LINGO2: variants seen among roughly 807,000 people sequenced by gnomAD.
The protein encoded by LINGO2 is leucine-rich repeat and immunoglobulin-like domain-containing nogo receptor-interacting protein 2.
Under a neutral mutation model 30.6 loss-of-function variants are expected in LINGO2, and 14 were observed. That is an observed-to-expected ratio of 0.46 (90% CI 0.30 to 0.72). LINGO2 has a LOEUF of 0.72. Ranked by LOEUF, LINGO2 falls within the 30% of genes least tolerant of loss-of-function variation. The pLI is 0.07. For missense variants in LINGO2, 729 were observed against 751.7 expected (o/e 0.97, Z 0.35); for synonymous variants, 317 against 288.5 (o/e 1.10, Z -1.00).
At chr9:28,924,271 A>T in the LINGO2 span, among the ~76,000 whole-genome samples, 17 of 152,166 alleles carry the variant, frequency 1.1e-4, no homozygotes, top group African/African-American at 3.9e-4. Context: ...CCCAGGCTGG[A>T]GAACAGTGGT....
chr9:29,103,273 T>C, the LINGO2 span, among the ~76,000 whole-genome samples: 6 of 146,500 alleles, frequency 4.1e-5, no homozygotes, highest in African/African-American at 1.5e-4. Flanking sequence ...ACAAAGAACT[T>C]CTACAGCAGC....
chr9:28,321,214 C>T (rs184049819), intron 3 of LINGO2, among the ~76,000 whole-genome samples: 1 of 152,070 alleles, frequency 6.6e-6, no homozygotes, highest in East Asian at 1.9e-4. Flanking sequence ...AGAAAATACC[C>T]AAACAAATTA....
At chr9:28,263,321 T>C (rs1395029826) in intron 4 of LINGO2, among the ~76,000 whole-genome samples, 3 of 152,000 alleles carry the variant, frequency 2.0e-5, no homozygotes, top group Non-Finnish European at 4.4e-5. Flanking sequence ...AATCAACTGA[T>C]TAAAGACCCT....
At chr9:28,731,407 A>T in the LINGO2 span, among the ~76,000 whole-genome samples, 1 of 152,144 alleles carries the variant, frequency 6.6e-6, no homozygotes, top group Admixed American at 6.5e-5. Flanking sequence ...ACTTGGTTGA[A>T]TCTCCAGGAG....
the LINGO2 span, among the ~76,000 whole-genome samples, chr9:29,130,905 T>C: frequency 1.1e-4 from 17 of 152,200 alleles, no homozygotes; most frequent in Admixed American, 6.5e-4. Flanking sequence ...AAGCCTGTGA[T>C]ACCTGAAGCC....
intron 4 of LINGO2, among the ~76,000 whole-genome samples, chr9:28,126,697 A>G (rs1827245256): frequency 6.6e-6 from 1 of 152,228 alleles, no homozygotes; most frequent in Non-Finnish European, 1.5e-5. Flanking sequence ...ATGCATTAAC[A>G]AGCCAGAGAC....
chr9:29,012,409 A>ACT, the LINGO2 span, among the ~76,000 whole-genome samples: 1 of 152,126 alleles, frequency 6.6e-6, no homozygotes, highest in Non-Finnish European at 1.5e-5. Context: ...TAAAGAACTT[A>ACT]AACGGTTGCC....
the LINGO2 span, among the ~76,000 whole-genome samples, chr9:28,806,829 T>A: frequency 6.6e-6 from 1 of 152,062 alleles, no homozygotes; most frequent in African/African-American, 2.4e-5. Flanking sequence ...TAGCCTCCTG[T>A]AAAGTCCTTT....
intron 5 of LINGO2, among the ~76,000 whole-genome samples, chr9:27,975,489 A>G (rs1820551803): frequency 6.6e-6 from 1 of 152,122 alleles, no homozygotes; most frequent in African/African-American, 2.4e-5. Flanking sequence ...CTACCTCACA[A>G]TATGATAACA....
chr9:28,051,950 A>T (rs551863691), intron 4 of LINGO2, among the ~76,000 whole-genome samples: 1 of 152,044 alleles, frequency 6.6e-6, no homozygotes, highest in Non-Finnish European at 1.5e-5. Context: ...CAAAATCATA[A>T]TTGCCCTGGG....
chr9:29,025,891 A>T, the LINGO2 span, among the ~76,000 whole-genome samples: 2 of 151,976 alleles, frequency 1.3e-5, no homozygotes, highest in African/African-American at 4.8e-5. Flanking sequence ...ATCATGTGGT[A>T]TTTATTTTTC....
At chr9:28,176,752 T>A (rs577284683) in intron 4 of LINGO2, among the ~76,000 whole-genome samples, 1 of 152,320 alleles carries the variant, frequency 6.6e-6, no homozygotes, top group Non-Finnish European at 1.5e-5. Flanking sequence ...AAATACTTCT[T>A]GATTGATGGT....
the LINGO2 span, among the ~76,000 whole-genome samples, chr9:28,744,778 A>C: frequency 6.6e-6 from 1 of 151,532 alleles, no homozygotes; most frequent in African/African-American, 2.4e-5. Context: ...CTGGGACTAC[A>C]TGTGCGTGCC....
At chr9:28,552,536 T>C (rs982830879) in intron 1 of LINGO2, among the ~76,000 whole-genome samples, 4 of 152,114 alleles carry the variant, frequency 2.6e-5, no homozygotes, top group South Asian at 2.1e-4. Flanking sequence ...TTTTCAATGA[T>C]GTGTCTTAAG....
intron 3 of LINGO2, among the ~76,000 whole-genome samples, chr9:28,353,588 AGTGTG>A (rs1317980623): frequency 0.013 from 2,032 of 151,476 alleles, 34 homozygotes; most frequent in African/African-American, 0.047. Context: ...TGTGGAAGTC[AGTGTG>A]GCGATTCCTC....
At chr9:28,760,034 C>A in the LINGO2 span, among the ~76,000 whole-genome samples, 1 of 152,030 alleles carries the variant, frequency 6.6e-6, no homozygotes, top group East Asian at 1.9e-4. Context: ...ACTCAAGAAA[C>A]TTACTGTATA....
intron 4 of LINGO2, among the ~76,000 whole-genome samples, chr9:28,189,935 G>T (rs1161936406): frequency 6.6e-6 from 1 of 151,886 alleles, no homozygotes; most frequent in African/African-American, 2.4e-5. Context: ...TAGAAAGGGG[G>T]ACAGCAAAAA....
chr9:28,049,524 G>A (rs773281100), intron 4 of LINGO2, among the ~76,000 whole-genome samples: 2 of 150,494 alleles, frequency 1.3e-5, no homozygotes, highest in Non-Finnish European at 2.9e-5. Flanking sequence ...ATAGCATGGT[G>A]AGTAAGAAAT....
intron 4 of LINGO2, among the ~76,000 whole-genome samples, chr9:28,240,246 AAT>A (rs1346773454): frequency 6.6e-6 from 1 of 152,176 alleles, no homozygotes; most frequent in Non-Finnish European, 1.5e-5. Flanking sequence ...TAAAAATACC[AAT>A]GACATTCTTC....
Sources: gnomAD v4.1 joint callset for allele counts (sites outside exome capture counted in the v4.1 genomes callset) on GRCh38, gnomAD v4.1.1 for gene constraint, MANE v1.5 for transcripts, NCBI Gene and HGNC (gene_info 2026-07-23, HGNC 2026-07-21) for gene names.